PHACTR1: variants seen among roughly 807,000 people sequenced by gnomAD.
PHACTR1 encodes phosphatase and actin regulator 1, also known as RPEL repeat containing 1.
Under a neutral mutation model 69.2 loss-of-function variants are expected in PHACTR1, and 16 were observed. That is an observed-to-expected ratio of 0.23 (90% CI 0.16 to 0.35). The LOEUF is 0.35. Ranked by LOEUF, PHACTR1 falls within the 10% of genes least tolerant of loss-of-function variation. The pLI, the probability that PHACTR1 is intolerant of heterozygous loss-of-function variation, is 1.00. For synonymous variants in PHACTR1, 312 were observed against 284.5 expected (o/e 1.10, Z -0.97); for missense variants, 510 against 734.7 (o/e 0.69, Z 3.54).
intron 5 of PHACTR1, among the ~76,000 whole-genome samples, chr6:13,134,973 A>G (rs1009832876): frequency 2.0e-5 from 3 of 152,130 alleles, no homozygotes. Flanking sequence ...GCTCTTCGCC[A>G]CTTCACCATC....
chr6:12,866,494 A>G (rs1781469881), intron 4 of PHACTR1, among the ~76,000 whole-genome samples: 1 of 151,822 alleles, frequency 6.6e-6, no homozygotes. Flanking sequence ...AGTTTCAAGA[A>G]TTTTCCCCCT....
At chr6:13,012,905 C>CAA (rs1799604005) in intron 4 of PHACTR1, among the ~76,000 whole-genome samples, 3 of 152,172 alleles carry the variant, frequency 2.0e-5, no homozygotes, top group African/African-American at 7.2e-5. Context: ...TTGTTAAAGG[C>CAA]ACTGTTCTCC....
chr6:12,732,040 TG>T (rs1763600461), intron 3 of PHACTR1, among the ~76,000 whole-genome samples: 1 of 151,930 alleles, frequency 6.6e-6, no homozygotes, highest in African/African-American at 2.4e-5. Flanking sequence ...ACCCTTATAC[TG>T]AGTTGCAGAA....
intron 5 of PHACTR1, among the ~76,000 whole-genome samples, chr6:13,128,016 A>G (rs1208523185): frequency 3.3e-5 from 5 of 151,332 alleles, no homozygotes; most frequent in African/African-American, 9.7e-5. Context: ...AAGGAGAAGT[A>G]TGAGCAAAAG....
chr6:13,033,708 A>G (rs561532480), intron 4 of PHACTR1, among the ~76,000 whole-genome samples: 1 of 152,314 alleles, frequency 6.6e-6, no homozygotes, highest in South Asian at 2.1e-4. Flanking sequence ...TGCTGGCATA[A>G]AAGTTGTTTC....
chr6:12,738,910 T>C (rs1764674250), intron 3 of PHACTR1, among the ~76,000 whole-genome samples: 1 of 152,150 alleles, frequency 6.6e-6, no homozygotes, highest in Non-Finnish European at 1.5e-5. Flanking sequence ...TCCCCTATTC[T>C]GAATTTATTA....
intron 5 of PHACTR1, among the ~76,000 whole-genome samples, chr6:13,091,344 C>T (rs1813258821): frequency 6.6e-6 from 1 of 152,110 alleles, no homozygotes; most frequent in Non-Finnish European, 1.5e-5. Flanking sequence ...GTAACGTCCC[C>T]AAGATGACTA....
intron 4 of PHACTR1, among the ~76,000 whole-genome samples, chr6:12,828,800 G>T (rs981000248): frequency 3.3e-5 from 5 of 152,126 alleles, no homozygotes; most frequent in East Asian, 1.9e-4. Flanking sequence ...AATTTGTATG[G>T]TTTTTAGAGG....
intron 4 of PHACTR1, among the ~76,000 whole-genome samples, chr6:12,885,805 G>C (rs1437707008): frequency 6.6e-6 from 1 of 152,104 alleles, no homozygotes; most frequent in African/African-American, 2.4e-5. Context: ...TTTAAACCCT[G>C]TCCAAGAGGC....
At chr6:12,844,295 G>A (rs1005217122) in intron 4 of PHACTR1, among the ~76,000 whole-genome samples, 2 of 152,040 alleles carry the variant, frequency 1.3e-5, no homozygotes, top group Non-Finnish European at 2.9e-5. Flanking sequence ...TACTTGGGAG[G>A]CTGAAGCAGG....
chr6:13,125,720 G>A (rs148677967), intron 5 of PHACTR1, among the ~76,000 whole-genome samples: 1 of 152,130 alleles, frequency 6.6e-6, no homozygotes, highest in Non-Finnish European at 1.5e-5. Flanking sequence ...CTTGAGCCCA[G>A]GAGTTTGAGA....
At chr6:12,868,624 A>T (rs2127436536) in intron 4 of PHACTR1, among the ~76,000 whole-genome samples, 1 of 152,254 alleles carries the variant, frequency 6.6e-6, no homozygotes, top group African/African-American at 2.4e-5. Flanking sequence ...GAAAGGAGCA[A>T]TGGGAAAGGG....
chr6:13,227,784 G>A (rs1770039977), intron 8 of PHACTR1, 32 bp from the exon 9 acceptor site: 1 of 1,604,184 alleles, frequency 6.2e-7, no homozygotes, highest in South Asian at 1.1e-5. Flanking sequence ...TAGCCAAAGT[G>A]AATTTCCTCT....
chr6:13,061,639 A>G (rs892765549), intron 5 of PHACTR1, among the ~76,000 whole-genome samples: 5 of 152,236 alleles, frequency 3.3e-5, no homozygotes, highest in African/African-American at 1.2e-4. Flanking sequence ...GCCTTATTCA[A>G]AACACGGTAA....
chr6:12,952,048 C>T (rs988330124), intron 4 of PHACTR1, among the ~76,000 whole-genome samples: 3 of 152,178 alleles, frequency 2.0e-5, no homozygotes, highest in Non-Finnish European at 2.9e-5. Flanking sequence ...GTGAGCAAGA[C>T]GTTCTCTGGT....
intron 3 of PHACTR1, among the ~76,000 whole-genome samples, chr6:12,732,316 T>TTG (rs1554129763): frequency 4.0e-5 from 6 of 151,092 alleles, no homozygotes; most frequent in African/African-American, 1.2e-4. Flanking sequence ...AGATTTTTTT[T>TTG]GGGGGTGCTG....
At chr6:13,067,216 A>G (rs913350877) in intron 5 of PHACTR1, among the ~76,000 whole-genome samples, 1 of 152,206 alleles carries the variant, frequency 6.6e-6, no homozygotes, top group Non-Finnish European at 1.5e-5. Flanking sequence ...ATCTTGCATC[A>G]GACCCATATA....
chr6:12,886,618 C>T (rs1420319278), intron 4 of PHACTR1, among the ~76,000 whole-genome samples: 2 of 152,192 alleles, frequency 1.3e-5, no homozygotes, highest in Non-Finnish European at 2.9e-5. Context: ...GCTATTCCCA[C>T]ATCAGTGCAT....
chr6:12,884,764 C>A (rs1183119204), intron 4 of PHACTR1, among the ~76,000 whole-genome samples: 2 of 152,022 alleles, frequency 1.3e-5, no homozygotes, highest in African/African-American at 4.8e-5. Flanking sequence ...CATTCATTCA[C>A]TCATTAAACA....
Sources: gnomAD v4.1 joint callset for allele counts (sites outside exome capture counted in the v4.1 genomes callset) on GRCh38, gnomAD v4.1.1 for gene constraint, MANE v1.5 for transcripts, NCBI Gene and HGNC (gene_info 2026-07-23, HGNC 2026-07-21) for gene names.